SOX5: variants seen among roughly 807,000 people sequenced by gnomAD.
SOX5 encodes transcription factor SOX-5.
Under a neutral mutation model 92.0 loss-of-function variants are expected in SOX5, and 9 were observed. The ratio of observed to expected loss-of-function variants is 0.10; its 90% CI spans 0.06 to 0.17. The LOEUF (loss-of-function observed/expected upper bound fraction) is 0.17, where lower values mean the gene tolerates loss of function less well. Ranked by LOEUF, SOX5 falls within the 10% of genes least tolerant of loss-of-function variation. SOX5 has a pLI of 1.00. For missense variants in SOX5, 642 were observed against 944.5 expected, an observed-to-expected ratio of 0.68 and a Z score of 4.20; for synonymous variants, 344 against 336.3, an observed-to-expected ratio of 1.02 and a Z score of -0.25.
At chr12:23,921,417 A>AT (rs1326885173) in intron 1 of SOX5, among the ~76,000 whole-genome samples, 1 of 152,088 alleles carries the variant, frequency 6.6e-6, no homozygotes, top group Non-Finnish European at 1.5e-5. Context: ...CAAAGGGACA[A>AT]TTTTACATTT....
intron 1 of SOX5, among the ~76,000 whole-genome samples, chr12:23,915,443 A>C (rs1365820129): frequency 6.6e-6 from 1 of 152,152 alleles, no homozygotes; most frequent in Non-Finnish European, 1.5e-5. Flanking sequence ...TTAAAAAATA[A>C]GACTTAGAAT....
intron 3 of SOX5, among the ~76,000 whole-genome samples, chr12:24,261,534 T>C (rs1048015180): frequency 3.9e-5 from 6 of 152,146 alleles, no homozygotes; most frequent in Non-Finnish European, 7.4e-5. Flanking sequence ...AGAAAAATCT[T>C]TGAGGCCATA....
At chr12:24,266,141 T>G (rs1942993129) in intron 3 of SOX5, among the ~76,000 whole-genome samples, 1 of 151,470 alleles carries the variant, frequency 6.6e-6, no homozygotes, top group Non-Finnish European at 1.5e-5. Flanking sequence ...TTCGAACTCC[T>G]GGACTCAAGT....
chr12:24,326,516 G>A (rs1365196357), intron 2 of SOX5, among the ~76,000 whole-genome samples: 1 of 152,006 alleles, frequency 6.6e-6, no homozygotes, highest in African/African-American at 2.4e-5. Flanking sequence ...TGAGTGTCTG[G>A]CATATAGTTG....
chr12:24,280,841 T>C (rs1416848050), intron 2 of SOX5, among the ~76,000 whole-genome samples: 2 of 152,114 alleles, frequency 1.3e-5, no homozygotes, highest in African/African-American at 4.8e-5. Context: ...GTTTTTTTTT[T>C]TAGCATAATA....
intron 1 of SOX5, among the ~76,000 whole-genome samples, chr12:24,473,960 A>T (rs529621713): frequency 3.3e-4 from 51 of 152,370 alleles, no homozygotes; most frequent in African/African-American, 1.2e-3. Flanking sequence ...TTAATACATG[A>T]TAAAGATTCT....
intron 4 of SOX5, among the ~76,000 whole-genome samples, chr12:24,169,922 G>A (rs1378408752): frequency 6.6e-6 from 1 of 152,164 alleles, no homozygotes; most frequent in Non-Finnish European, 1.5e-5. Context: ...TATTTGGAGG[G>A]CTGGCGGAAT....
intron 3 of SOX5, among the ~76,000 whole-genome samples, chr12:23,845,027 TTTAA>T (rs1448204703): frequency 6.6e-6 from 1 of 152,200 alleles, no homozygotes; most frequent in African/African-American, 2.4e-5. Context: ...ACCAGAAATA[TTTAA>T]TTGTCACATG....
At chr12:23,871,414 C>G (rs1178120551) in intron 2 of SOX5, among the ~76,000 whole-genome samples, 3 of 152,058 alleles carry the variant, frequency 2.0e-5, no homozygotes, top group Non-Finnish European at 4.4e-5. Context: ...AACAAACTGA[C>G]CTGTAAATAT....
At chr12:23,818,265 T>C (rs536249639) in intron 3 of SOX5, among the ~76,000 whole-genome samples, 1 of 152,330 alleles carries the variant, frequency 6.6e-6, no homozygotes, top group Non-Finnish European at 1.5e-5. Context: ...ACACATAGGC[T>C]ATAAGGTATG....
intron 13 of SOX5, among the ~76,000 whole-genome samples, chr12:23,541,709 T>C (rs191292414): frequency 1.3e-5 from 2 of 152,334 alleles, no homozygotes; most frequent in East Asian, 1.9e-4. Flanking sequence ...AACATTTAGG[T>C]GAAAAATGAG....
In SOX5 at chr12:24,033,710, T is replaced by C. The variant is rs111418909; in HGVS notation, c.-1-137686A>G. On this transcript the variant is annotated intron_variant, in intron 4 of 4. Transcript: ENST00000446891. Reference sequence around the variant, plus strand: ...CTCTGTTGAGCACAATGAGTATGAATGAATTCAAATTTCCAGAAAATCCGT... The same window carrying C: ...CTCTGTTGAGCACAATGAGTATGAACGAATTCAAATTTCCAGAAAATCCGT... 1.8e-3 allele frequency among the ~76,000 whole-genome samples: 276 copies of C among 152,134 alleles called. 1 individual carries two copies. The highest frequency in any genetic ancestry group is 3.3e-3 in the Non-Finnish European group (224 of 67,944).
At chr12:23,585,066 T>G (rs1592292829) in intron 9 of SOX5, among the ~76,000 whole-genome samples, 1 of 152,136 alleles carries the variant, frequency 6.6e-6, no homozygotes, top group African/African-American at 2.4e-5. Context: ...ACTCGATAAA[T>G]TCTAAGTTTT....
Position 24,116,865 on chromosome 12 carries a change from T to C in SOX5, c.-2+96478A>G, listed in dbSNP as rs567766773. ...ATACTTGAAAATTTTAACTGCCATCTATAATGCGATACATATGTGTATACA... is the reference window on the plus strand; with the variant it reads ...ATACTTGAAAATTTTAACTGCCATCCATAATGCGATACATATGTGTATACA... On this transcript the variant is annotated intron_variant, in intron 4 of 4. Coordinates refer to the SOX5 transcript ENST00000446891. 3.4e-4 allele frequency among the ~76,000 whole-genome samples: 51 copies of C among 152,144 alleles called. No homozygotes were observed. The Middle Eastern group carries it at 0.014, about 41-fold the overall frequency.
At position 24,560,063 on chromosome 12, in the gene SOX5, A is replaced by T. The variant is rs187623786; in HGVS notation, c.-251+2266T>A. Among the ~76,000 whole-genome samples, 20 of 152,306 alleles carry T rather than the reference A, an allele frequency of 1.3e-4. No homozygotes were observed. In the East Asian group the frequency reaches 3.7e-3, roughly 28 times the overall value. On this transcript the variant is annotated intron_variant, in intron 1 of 4. Coordinates refer to the SOX5 transcript ENST00000446891. ...CACTTGCAAGTCTGTGTCAGATTGG[A>T]TCAATACTACCCACTCAAAAAGGCT...
intron 3 of SOX5, among the ~76,000 whole-genome samples, chr12:23,821,371 C>G (rs1396380499): frequency 6.6e-6 from 1 of 152,176 alleles, no homozygotes; most frequent in South Asian, 2.1e-4. Flanking sequence ...AATCTGCAAA[C>G]AGAGATAATT....
chr12:23,893,590 TTTCTGGTA>T (rs2097149957), intron 2 of SOX5, among the ~76,000 whole-genome samples: 1 of 152,226 alleles, frequency 6.6e-6, no homozygotes, highest in Admixed American at 6.5e-5. Context: ...TCCATTTATC[TTTCTGGTA>T]TTCTTCTAGT....
At chr12:24,358,261 T>C (rs186109814) in intron 2 of SOX5, among the ~76,000 whole-genome samples, 244 of 152,292 alleles carry the variant, frequency 1.6e-3, no homozygotes, top group African/African-American at 5.5e-3. Context: ...ATTAGCAAAA[T>C]TGCTAAAACA....
chr12:23,765,377 T>C (rs555383781), intron 3 of SOX5, among the ~76,000 whole-genome samples: 151 of 2,298 alleles, frequency 0.066, 1 homozygote, highest in African/African-American at 0.12. Context: ...GTCAAAAGTG[T>C]AAAACAGCAA....
Sources: gnomAD v4.1 joint callset for allele counts (sites outside exome capture counted in the v4.1 genomes callset) on GRCh38, gnomAD v4.1.1 for gene constraint, MANE v1.5 for transcripts, NCBI Gene and HGNC (gene_info 2026-07-23, HGNC 2026-07-21) for gene names.